WWOX: variants seen among roughly 807,000 people sequenced by gnomAD.
The protein encoded by WWOX is WW domain containing oxidoreductase, also known as WW domain-containing oxidoreductase.
WWOX carries 69 observed loss-of-function variants against 46.2 expected under a neutral mutation model. That is an observed-to-expected ratio of 1.49 (90% CI 1.23 to 1.82). The LOEUF is 1.82. Among genes scored for constraint, WWOX ranks in the 40% most tolerant of loss-of-function variants. The pLI is 0.00. For missense variants in WWOX, 919 were observed against 542.6 expected (o/e 1.69, Z -6.89); for synonymous variants, 359 against 202.6 (o/e 1.77, Z -6.56).
chr16:78,795,026 T>C (rs1339421375), intron 8 of WWOX, among the ~76,000 whole-genome samples: 2 of 152,230 alleles, frequency 1.3e-5, no homozygotes, highest in Non-Finnish European at 2.9e-5. Context: ...ACACTGATCT[T>C]TGAGCTGGCG....
intron 8 of WWOX, among the ~76,000 whole-genome samples, chr16:78,561,610 A>AG (rs1312924041): frequency 6.6e-6 from 1 of 152,160 alleles, no homozygotes; most frequent in Non-Finnish European, 1.5e-5. Context: ...GAAAAAAAAA[A>AG]GAGACCTGAT....
intron 8 of WWOX, among the ~76,000 whole-genome samples, chr16:78,861,478 T>C (rs1287486332): frequency 6.6e-6 from 1 of 152,226 alleles, no homozygotes; most frequent in Non-Finnish European, 1.5e-5. Context: ...TGTTGTTTTA[T>C]CTCTCTCCAC....
intron 5 of WWOX, among the ~76,000 whole-genome samples, chr16:78,190,767 T>A (rs925555243): frequency 1.3e-5 from 2 of 152,200 alleles, no homozygotes; most frequent in Non-Finnish European, 2.9e-5. Flanking sequence ...ATAATTAATC[T>A]TGGAGATGAC....
chr16:79,117,067 T>G (rs1318963303), intron 8 of WWOX, among the ~76,000 whole-genome samples: 1 of 152,178 alleles, frequency 6.6e-6, no homozygotes, highest in African/African-American at 2.4e-5. Flanking sequence ...TTGTTATTGT[T>G]TTGAGACAGC....
At chr16:78,460,436 A>G (rs1327895480) in intron 8 of WWOX, among the ~76,000 whole-genome samples, 1 of 152,180 alleles carries the variant, frequency 6.6e-6, no homozygotes, top group Non-Finnish European at 1.5e-5. Context: ...TTTCAGTGTA[A>G]TAACCTGTCT....
intron 8 of WWOX, among the ~76,000 whole-genome samples, chr16:78,534,180 A>G (rs1433535133): frequency 1.3e-5 from 2 of 152,214 alleles, no homozygotes; most frequent in African/African-American, 4.8e-5. Flanking sequence ...TTAGCTATGC[A>G]TCTGTGGATA....
chr16:78,813,158 A>G (rs1035146013), intron 8 of WWOX, among the ~76,000 whole-genome samples: 2 of 151,878 alleles, frequency 1.3e-5, no homozygotes, highest in African/African-American at 4.8e-5. Context: ...AAAAAAATTC[A>G]GCATCTCAAA....
chr16:78,497,688 C>G (rs1487097396), intron 8 of WWOX, among the ~76,000 whole-genome samples: 1 of 152,196 alleles, frequency 6.6e-6, no homozygotes, highest in Non-Finnish European at 1.5e-5. Flanking sequence ...TTGATTAGGT[C>G]TAATCACTCT....
At chr16:78,854,074 A>G (rs918160819) in intron 8 of WWOX, among the ~76,000 whole-genome samples, 4 of 152,132 alleles carry the variant, frequency 2.6e-5, no homozygotes, top group African/African-American at 7.2e-5. Context: ...ATTTCTTTCT[A>G]TATTTTTCTC....
intron 5 of WWOX, among the ~76,000 whole-genome samples, chr16:78,329,004 G>A (rs1009358561): frequency 6.6e-6 from 1 of 151,998 alleles, no homozygotes; most frequent in Admixed American, 6.6e-5. Context: ...TGGGACTACA[G>A]GCTCCCATCA....
chr16:78,702,100 T>TTATATATATATATACATA (rs2048235242), intron 8 of WWOX, among the ~76,000 whole-genome samples: 1 of 81,262 alleles, frequency 1.2e-5, no homozygotes, highest in African/African-American at 6.8e-5. Flanking sequence ...ATCTATAAAG[T>TTATATATATATATACATA]TATATATATA....
At chr16:78,274,105 C>G (rs981539653) in intron 5 of WWOX, among the ~76,000 whole-genome samples, 1 of 152,174 alleles carries the variant, frequency 6.6e-6, no homozygotes, top group Non-Finnish European at 1.5e-5. Flanking sequence ...CCAGTATACC[C>G]TATATTTTGG....
intron 8 of WWOX, among the ~76,000 whole-genome samples, chr16:78,512,806 T>G (rs1436834247): frequency 4.6e-5 from 7 of 152,224 alleles, no homozygotes; most frequent in Non-Finnish European, 1.0e-4. Context: ...GCTTTGAAAT[T>G]GAATTTAAAA....
chr16:78,644,259 A>G (rs1358125995), intron 8 of WWOX, among the ~76,000 whole-genome samples: 2 of 151,448 alleles, frequency 1.3e-5, no homozygotes, highest in South Asian at 2.1e-4. Context: ...ATGAAATACT[A>G]CTTCTCCCTG....
intron 8 of WWOX, among the ~76,000 whole-genome samples, chr16:78,735,421 ACACAC>A (rs1567524843): frequency 1.3e-5 from 2 of 151,616 alleles, no homozygotes; most frequent in African/African-American, 2.4e-5. Flanking sequence ...ACACACACAC[ACACAC>A]TAATATGGTT....
intron 5 of WWOX, among the ~76,000 whole-genome samples, chr16:78,322,471 T>G (rs1012500234): frequency 6.6e-6 from 1 of 152,240 alleles, no homozygotes; most frequent in African/African-American, 2.4e-5. Context: ...TTTAAACTTC[T>G]CAACAACCCA....
At chr16:78,330,398 A>T (rs1469513686) in intron 5 of WWOX, among the ~76,000 whole-genome samples, 1 of 144,874 alleles carries the variant, frequency 6.9e-6, no homozygotes, top group Non-Finnish European at 1.5e-5. Flanking sequence ...ACCAGTGATA[A>T]TTTTTTTTTT....
intron 8 of WWOX, among the ~76,000 whole-genome samples, chr16:78,816,991 C>G (rs181399408): frequency 1.7e-4 from 26 of 152,152 alleles, no homozygotes; most frequent in Non-Finnish European, 2.8e-4. Flanking sequence ...ATTGCCCAAA[C>G]CAGTCCTGAC....
intron 5 of WWOX, among the ~76,000 whole-genome samples, chr16:78,210,030 C>T (rs748229835): frequency 6.6e-6 from 1 of 151,270 alleles, no homozygotes; most frequent in Non-Finnish European, 1.5e-5. Flanking sequence ...ACGAGAAAAG[C>T]CAAAAAGAAA....
Sources: allele counts gnomAD v4.1 joint callset (sites outside exome capture counted in the v4.1 genomes callset), GRCh38; gene constraint gnomAD v4.1.1; transcripts MANE v1.5; gene names NCBI Gene and HGNC (gene_info 2026-07-23, HGNC 2026-07-21).